Variants in INTS9 observed in about 807,000 individuals in gnomAD.
INTS9 encodes integrator complex subunit 9.
Under a neutral mutation model 79.7 loss-of-function variants are expected in INTS9, and 55 were observed. The ratio of observed to expected loss-of-function variants is 0.69; its 90% CI spans 0.56 to 0.86. The LOEUF is 0.86. Among genes scored for constraint, INTS9 ranks in the 40% least tolerant of loss-of-function variants. The probability of loss-of-function intolerance (pLI) is 0.00; values close to 1 mark genes in which losing one functional copy is unlikely to be tolerated. For missense variants in INTS9, 721 were observed against 831.5 expected, an observed-to-expected ratio of 0.87 and a Z score of 1.64; for synonymous variants, 319 against 325.2, an observed-to-expected ratio of 0.98 and a Z score of 0.20.
chr8:28,873,363 G>A (rs1809195222), intron 1 of INTS9, among the ~76,000 whole-genome samples: 1 of 152,166 alleles, frequency 6.6e-6, no homozygotes, highest in African/African-American at 2.4e-5. Flanking sequence ...AAGGCAGTTT[G>A]CCAGTCCTCT....
At position 28,780,415 on chromosome 8, in the gene INTS9, CCT is replaced by C. The variant is rs372963718; in HGVS notation, c.1270+406_1270+407del. The C allele has an allele frequency of 9.2e-4, 907 of 985,172 alleles. 3 individuals are homozygous for C. In the African/African-American group the frequency reaches 0.014, roughly 15 times the overall value. The allele number at this position is 985,172 out of a possible 1,614,324, so 61.0% of individuals were successfully genotyped here. A position where few individuals can be genotyped will look rare whatever the true frequency, so the allele number is the denominator to read the frequency against. On this transcript the variant is annotated intron_variant, in intron 12 of 16. Coordinates refer to ENST00000521022, the MANE Select transcript of INTS9 (RefSeq NM_018250.4). ...TGACCTTATCAAAGGAATTTTTTCC[CCT>C]GAGGGATTTGTCTCCAGAAGAAAAT...
intron 12 of INTS9, among the ~76,000 whole-genome samples, chr8:28,780,075 T>G (rs1332976663): frequency 6.6e-6 from 1 of 151,352 alleles, no homozygotes; most frequent in Non-Finnish European, 1.5e-5. Flanking sequence ...TTTTCTTTTT[T>G]CTTCATAGCC....
chr8:28,850,735 A>G (rs78450894), intron 2 of INTS9, among the ~76,000 whole-genome samples: 1 of 152,184 alleles, frequency 6.6e-6, no homozygotes, highest in Non-Finnish European at 1.5e-5. Flanking sequence ...AACAAACACG[A>G]ATACCCGAAT....
chr8:28,769,453 T>C (rs1184401484), intron 16 of INTS9: 1 of 155,318 alleles, frequency 6.4e-6, no homozygotes, highest in African/African-American at 2.4e-5. Context: ...TCAGGGCTGC[T>C]GAGACAGAGG....
chr8:28,812,258 C>A, intron 8 of INTS9, 69 bp downstream of exon 8: 2 of 1,483,874 alleles, frequency 1.3e-6, no homozygotes, highest in South Asian at 2.4e-5. Context: ...CTGATGGTTC[C>A]TTGGATACAT....
intron 1 of INTS9, among the ~76,000 whole-genome samples, chr8:28,880,956 TG>T (rs1809719114): frequency 6.7e-6 from 1 of 148,342 alleles, no homozygotes; most frequent in East Asian, 2.1e-4. Flanking sequence ...CAACCCTGTC[TG>T]GGAGGTGAGG....
At chr8:28,838,402 T>C (rs1218348673) in intron 4 of INTS9, among the ~76,000 whole-genome samples, 1 of 152,012 alleles carries the variant, frequency 6.6e-6, no homozygotes, top group African/African-American at 2.4e-5. Context: ...ATTAAGGTCA[T>C]GTAAAAAGGG....
At chr8:28,799,442 G>A (rs913421421) in intron 8 of INTS9, 2 of 152,180 alleles carry the variant, frequency 1.3e-5, no homozygotes, top group African/African-American at 2.4e-5. Flanking sequence ...GAATGTCACC[G>A]AGTTGGAACC....
rs574093424 is a variant in INTS9, at chr8:28,889,904, T to G, written c.-22A>C. 1 of 1,611,000 alleles carries G rather than the reference T, an allele frequency of 6.2e-7. No individual in the cohort carries two copies. On this transcript the variant is annotated 5_prime_UTR_variant, in exon 1 of 17. Coordinates refer to ENST00000521022, the MANE Select transcript of INTS9 (RefSeq NM_018250.4). ...TCATAATGGACTTTTGGTGGTTCAATAGCAGTCACTGAACTCCTCAAACCC... is the reference window on the plus strand; with the variant it reads ...TCATAATGGACTTTTGGTGGTTCAAGAGCAGTCACTGAACTCCTCAAACCC...
At chr8:28,830,042 C>G (rs1025324899) in intron 6 of INTS9, among the ~76,000 whole-genome samples, 10 of 115,100 alleles carry the variant, frequency 8.7e-5, no homozygotes, top group Non-Finnish European at 1.5e-4. Flanking sequence ...AGGCAAAGCA[C>G]AAGAATGAAG....
chr8:28,837,704 A>G lies in INTS9; in HGVS notation c.334T>C (p.Tyr112His), dbSNP rs769927689. Residue 112 changes from tyrosine (Y) to histidine (H), a missense_variant, in exon 5 of 17, where the codon TAC (tyrosine) becomes CAC (histidine). This residue lies in a region of INTS9 where 291 missense variants were observed against 307.0 expected (regional missense o/e 0.95). Transcript: ENST00000521022. ...SNYHCMMALPYITEHTGFTGT... is the reference protein window; with the variant it reads ...SNYHCMMALPHITEHTGFTGT... ...GTGAAGCCGGTGTGCTCGGTGATGT[A>G]TGGCAGCGCCATCATACAGTGATAG... 1 of 1,613,994 alleles carries G rather than the reference A, an allele frequency of 6.2e-7. No individual in the cohort carries two copies. Among genetic ancestry groups the G allele is most frequent in the Admixed American group, 1.7e-5 (1 of 60,028 alleles).
At chr8:28,884,927 G>T (rs963596013) in intron 1 of INTS9, among the ~76,000 whole-genome samples, 8 of 152,164 alleles carry the variant, frequency 5.3e-5, no homozygotes, top group African/African-American at 1.4e-4. Flanking sequence ...ATGTAAACTG[G>T]AGGAAGAATC....
intron 8 of INTS9, among the ~76,000 whole-genome samples, chr8:28,801,451 T>C (rs1348610562): frequency 6.6e-6 from 1 of 151,812 alleles, no homozygotes; most frequent in East Asian, 1.9e-4. Flanking sequence ...GATCATGCCC[T>C]TGCCCTCCAG....
intron 10 of INTS9, among the ~76,000 whole-genome samples, chr8:28,788,283 T>A (rs533413989): frequency 6.6e-6 from 1 of 152,214 alleles, no homozygotes; most frequent in East Asian, 1.9e-4. Context: ...CCAGACTTCA[T>A]TCAGATTTCA....
rs1007083454 is a variant in INTS9 at position 28,813,596 on chromosome 8, G to A, written c.505C>T (p.Leu169Phe). ...KDIQRLLPSP[L>F]KDAVEVSTWR... ...GTTGAGACTTCCACTGCATCCTTGA[G>A]AGGAGAAGGTAACAGCCTGCAAATG... is the stretch of plus-strand genomic sequence containing the variant. The change falls in exon 7 of 17, where the codon CTC (leucine) becomes TTC (phenylalanine). Residue 169 changes from leucine (L) to phenylalanine (F), a missense_variant. By Grantham distance (22) the Leu-to-Phe change is conservative. Transcript: ENST00000521022. The A allele has an allele frequency of 4.3e-6, 7 of 1,613,714 alleles. No homozygotes were observed. In the African/African-American group the frequency reaches 9.3e-5, roughly 22 times the overall value.
intron 1 of INTS9, among the ~76,000 whole-genome samples, chr8:28,863,451 A>T (rs752021463): frequency 2.0e-5 from 3 of 152,222 alleles, no homozygotes; most frequent in Non-Finnish European, 4.4e-5. Flanking sequence ...ACAAGTAATA[A>T]AATATAACAA....
intron 12 of INTS9, among the ~76,000 whole-genome samples, chr8:28,778,793 G>C (rs1803062630): frequency 6.6e-6 from 1 of 151,804 alleles, no homozygotes; most frequent in Non-Finnish European, 1.5e-5. Flanking sequence ...ACCAGACACA[G>C]AGACGTCTCC....
chr8:28,813,689 C>G, intron 6 of INTS9, 77 bp from the exon 7 acceptor site: 12 of 1,494,254 alleles, frequency 8.0e-6, no homozygotes, highest in Non-Finnish European at 1.0e-5. Flanking sequence ...AGTAATTTGT[C>G]CATTTGATCC....
chr8:28,816,315 A>G (rs1021140832), intron 6 of INTS9, among the ~76,000 whole-genome samples: 2 of 84,084 alleles, frequency 2.4e-5, no homozygotes, highest in Non-Finnish European at 4.4e-5. Context: ...CCCCCCACCC[A>G]CAACAGTCCC....
Sources: gnomAD v4.1 joint callset for allele counts (sites outside exome capture counted in the v4.1 genomes callset) on GRCh38, gnomAD v4.1.1 for gene constraint, gnomAD v4.1.1 regional missense constraint, MANE v1.5 for transcripts, NCBI Gene and HGNC (gene_info 2026-07-23, HGNC 2026-07-21) for gene names.